Variants in ACSL3 observed in about 807,000 individuals in gnomAD.
ACSL3 encodes the protein acyl-CoA synthetase long chain family member 3, also known as fatty acid CoA ligase Acsl3.
ACSL3 carries 34 observed loss-of-function variants against 84.7 expected under a neutral mutation model. That is an observed-to-expected ratio of 0.40 (90% CI 0.31 to 0.53). ACSL3 has a LOEUF of 0.53. Ranked by LOEUF, ACSL3 falls within the 20% of genes least tolerant of loss-of-function variation. The pLI is 0.48. For synonymous variants in ACSL3, 315 were observed against 299.4 expected (o/e 1.05, Z -0.54); for missense variants, 680 against 873.1 (o/e 0.78, Z 2.79).
At chr2:222,907,919 C>T (rs555592930) in intron 3 of ACSL3, among the ~76,000 whole-genome samples, 16 of 152,216 alleles carry the variant, frequency 1.1e-4, no homozygotes, top group South Asian at 1.0e-3. Context: ...CCAACGTTGC[C>T]CCAGTCACTT....
rs1240774766 is a variant in ACSL3 at position 222,897,012 on chromosome 2, C to T, written c.-147-3662C>T. Among the ~76,000 whole-genome samples, 3 of 18,036 alleles carry T rather than the reference C, an allele frequency of 1.7e-4. 1 individual carries two copies. Among genetic ancestry groups the T allele is most frequent in the Admixed American group, 1.1e-3 (2 of 1,770 alleles). 11.8% of individuals were successfully genotyped at this position (18,036 alleles called of 152,430 possible). A position where few individuals can be genotyped will look rare whatever the true frequency, so the allele number is the denominator to read the frequency against. On this transcript the variant is annotated intron_variant, in intron 2 of 16. Coordinates refer to ENST00000357430, the MANE Select transcript of ACSL3 (RefSeq NM_004457.5). The stretch of plus-strand genomic sequence containing the variant: ...CTCCCTCCTGGACGGGGCGACCGGC[C>T]GGGCAGAGGGGCTCCTCACTTCCCA...
At chr2:222,888,510 A>G (rs1426017078) in intron 2 of ACSL3, among the ~76,000 whole-genome samples, 1 of 152,224 alleles carries the variant, frequency 6.6e-6, no homozygotes, top group African/African-American at 2.4e-5. Flanking sequence ...ACGTAAAGGC[A>G]GTAAGCATTT....
At chr2:222,879,073 T>C (rs925846213) in intron 1 of ACSL3, among the ~76,000 whole-genome samples, 1 of 152,204 alleles carries the variant, frequency 6.6e-6, no homozygotes, top group Non-Finnish European at 1.5e-5. Flanking sequence ...TTTCGACACT[T>C]TGGGAGGCCA....
chr2:222,902,043 A>G (rs1440497503), intron 3 of ACSL3, among the ~76,000 whole-genome samples: 1 of 151,464 alleles, frequency 6.6e-6, no homozygotes. Flanking sequence ...AATTTAACAT[A>G]TTTTTGTTAC....
chr2:222,916,687 A>G, intron 5 of ACSL3, 191 bp downstream of exon 5: 1 of 529,828 alleles, frequency 1.9e-6, no homozygotes, highest in Non-Finnish European at 3.1e-6. Flanking sequence ...TGTACCAATC[A>G]GTGTTGCAGT....
At chr2:222,893,187 C>T (rs571593783) in intron 2 of ACSL3, among the ~76,000 whole-genome samples, 3 of 152,266 alleles carry the variant, frequency 2.0e-5, no homozygotes, top group African/African-American at 7.2e-5. Context: ...AGTATTTTCT[C>T]CTTTTCTGTC....
rs1697409590 is a variant in ACSL3 at position 222,944,440 on chromosome 2, C to T, written c.*2786C>T. The stretch of plus-strand genomic sequence containing the variant: ...TTTAAACAGTGTACATATTGGACCA[C>T]ACTGAAATGTCATATATCCTTTCTC... On this transcript the variant is annotated 3_prime_UTR_variant, in exon 17 of 17. Coordinates refer to ENST00000357430, the MANE Select transcript of ACSL3 (RefSeq NM_004457.5). The T allele has an allele frequency of 6.6e-6, 1 of 152,052 alleles. No homozygotes were observed. The allele number at this position is 152,052 out of a possible 1,614,324, so 9.4% of individuals were successfully genotyped here. A position where few individuals can be genotyped will look rare whatever the true frequency, so the allele number is the denominator to read the frequency against.
intron 10 of ACSL3, 38 bp from the exon 11 acceptor site, chr2:222,924,418 T>C (rs1429806194): frequency 6.6e-7 from 1 of 1,512,452 alleles, no homozygotes; most frequent in East Asian, 2.4e-5. Context: ...AGGCAGCTGT[T>C]ATTATTAACT....
At chr2:222,880,945 T>A (rs1695578138) in intron 1 of ACSL3, among the ~76,000 whole-genome samples, 1 of 152,220 alleles carries the variant, frequency 6.6e-6, no homozygotes, top group Non-Finnish European at 1.5e-5. Flanking sequence ...CCTTCAGATT[T>A]TCTTGTCAGG....
intron 1 of ACSL3, among the ~76,000 whole-genome samples, chr2:222,874,932 AC>A (rs771475895): frequency 1.3e-5 from 2 of 151,950 alleles, no homozygotes; most frequent in Non-Finnish European, 2.9e-5. Context: ...CATAGTGATA[AC>A]CCGTCTCTAC....
chr2:222,934,003 G>A (rs1385828251), intron 15 of ACSL3, among the ~76,000 whole-genome samples: 1 of 152,102 alleles, frequency 6.6e-6, no homozygotes, highest in Non-Finnish European at 1.5e-5. Context: ...TCTTCCTGAT[G>A]TTACTATTTT....
chr2:222,931,712 C>G (rs13012131), intron 14 of ACSL3, among the ~76,000 whole-genome samples: 6,190 of 152,250 alleles, frequency 0.041, 197 homozygotes, highest in Middle Eastern at 0.1. Flanking sequence ...TCTTACTGGC[C>G]ACAACCATTT....
intron 3 of ACSL3, among the ~76,000 whole-genome samples, chr2:222,901,958 A>AC: frequency 1.7e-5 from 1 of 60,590 alleles, no homozygotes; most frequent in Non-Finnish European, 2.8e-5. Flanking sequence ...AAAAAAAAAA[A>AC]AAAAAAGAAC....
rs771920655 is a variant in ACSL3, at chr2:222,942,766, G to T, written c.*1112G>T. 4.6e-6 allele frequency: 1 copy of T among 216,712 alleles called. No homozygotes were observed. The highest frequency in any genetic ancestry group is 9.3e-6 in the Non-Finnish European group (1 of 107,800). 13.4% of individuals were successfully genotyped at this position (216,712 alleles called of 1,614,324 possible). On this transcript the variant is annotated 3_prime_UTR_variant, in exon 17 of 17. Transcript: ENST00000357430. ...AACCTTTGTACACTAAAAAATGAAA[G>T]AATTTAGAATGTATTTGATGATAGC...
chr2:222,883,635 T>C (rs976834001), intron 1 of ACSL3, among the ~76,000 whole-genome samples: 3 of 152,218 alleles, frequency 2.0e-5, no homozygotes, highest in African/African-American at 7.2e-5. Flanking sequence ...CTCTGGGATA[T>C]TATATTGCAG....
At position 222,875,314 on chromosome 2, in the gene ACSL3, A is replaced by T. The variant is rs543925162; in HGVS notation, c.-206-12516A>T. ...ATCAAGAAGATTGGGGACGGAAGGAATGGGATTTTTGTTTTTGAATAAAAA... is the reference window on the plus strand; with the variant it reads ...ATCAAGAAGATTGGGGACGGAAGGATTGGGATTTTTGTTTTTGAATAAAAA... On this transcript the variant is annotated intron_variant, in intron 1 of 16. Transcript: ENST00000357430. Among the ~76,000 whole-genome samples the T allele has an allele frequency of 1.8e-4, 27 of 152,196 alleles. No homozygotes were observed. In the East Asian group the frequency reaches 4.8e-3, roughly 27 times the overall value.
chr2:222,869,353 T>A (rs998672223), intron 1 of ACSL3, among the ~76,000 whole-genome samples: 7 of 152,224 alleles, frequency 4.6e-5, no homozygotes, highest in Admixed American at 3.3e-4. Flanking sequence ...TCTCTCTGGC[T>A]CCCCTGTCTT....
Position 222,941,498 on chromosome 2 carries a change from A to T in ACSL3, c.2007A>T (p.Ala669=). Reference sequence around the variant, plus strand: ...TTTCTTTTTTTTTAATCATCTTAGCAAGTCTGGAAAAGTTTGAAATTCCAG... The same window carrying T: ...TTTCTTTTTTTTTAATCATCTTAGCTAGTCTGGAAAAGTTTGAAATTCCAG... ...LKVLSEAAIS[A]SLEKFEIPVK... is the part of the protein sequence containing the mutation. The change falls in exon 17 of 17, where the codon GCA becomes GCT. Residue 669 remains alanine, a splice_region_variant and synonymous_variant. Coordinates refer to ENST00000357430, the MANE Select transcript of ACSL3 (RefSeq NM_004457.5). The T allele has an allele frequency of 6.3e-7, 1 of 1,597,478 alleles. No individual in the cohort carries two copies. The highest frequency in any genetic ancestry group is 8.5e-7 in the Non-Finnish European group (1 of 1,173,806).
chr2:222,875,294 G>C (rs1230800535), intron 1 of ACSL3, among the ~76,000 whole-genome samples: 3 of 151,920 alleles, frequency 2.0e-5, no homozygotes, highest in Non-Finnish European at 4.4e-5. Context: ...ATAAAATCAA[G>C]AAGATTGGGG....
Sources: allele counts gnomAD v4.1 joint callset (sites outside exome capture counted in the v4.1 genomes callset), GRCh38; gene constraint gnomAD v4.1.1; transcripts MANE v1.5; gene names NCBI Gene and HGNC (gene_info 2026-07-23, HGNC 2026-07-21).